Variants in LRPPRC observed in about 807,000 individuals in gnomAD.
LRPPRC encodes leucine-rich PPR motif-containing protein, mitochondrial.
LRPPRC carries 120 observed loss-of-function variants against 180.3 expected under a neutral mutation model. The observed-to-expected ratio is 0.67, with a 90% CI of 0.57 to 0.77. LRPPRC has a LOEUF of 0.77. Ranked by LOEUF, LRPPRC falls within the 30% of genes least tolerant of loss-of-function variation. LRPPRC has a pLI of 0.00. For missense variants in LRPPRC, 2,012 were observed against 1,657.2 expected (o/e 1.21, Z -3.72); for synonymous variants, 723 against 600.0 (o/e 1.21, Z -3.00).
intron 27 of LRPPRC, among the ~76,000 whole-genome samples, chr2:43,919,480 A>G (rs183455374): frequency 2.0e-4 from 30 of 152,304 alleles, no homozygotes; most frequent in Admixed American, 2.0e-3. Context: ...TGTGTGATAC[A>G]TGGAATCTTC....
chr2:43,925,283 G>A, intron 26 of LRPPRC, 126 bp from the exon 27 acceptor site: 2 of 727,318 alleles, frequency 2.7e-6, no homozygotes, highest in South Asian at 2.9e-5. Context: ...CATTTCAAAA[G>A]TTAATGGGCT....
At chr2:43,946,709 C>G (rs1672694199) in intron 20 of LRPPRC, among the ~76,000 whole-genome samples, 2 of 151,782 alleles carry the variant, frequency 1.3e-5, no homozygotes, top group South Asian at 4.2e-4. Context: ...TATTTTTTCC[C>G]TAAAACTACA....
At chr2:43,898,303 G>T (rs1670761328) in intron 34 of LRPPRC, among the ~76,000 whole-genome samples, 1 of 152,098 alleles carries the variant, frequency 6.6e-6, no homozygotes, top group East Asian at 1.9e-4. Flanking sequence ...AAAACTGGAG[G>T]TCAAGCACAT....
At chr2:43,938,944 G>A (rs1672372386) in intron 23 of LRPPRC, among the ~76,000 whole-genome samples, 1 of 151,994 alleles carries the variant, frequency 6.6e-6, no homozygotes, top group Non-Finnish European at 1.5e-5. Context: ...TTTATACTAA[G>A]TAACTTTCTA....
chr2:43,904,594 G>C lies in LRPPRC; in HGVS notation c.3364+1098C>G, dbSNP rs1301089864. The C allele has an allele frequency of 5.9e-5, 9 of 152,174 alleles. No homozygotes were observed. In the East Asian group the frequency reaches 1.8e-3, roughly 30 times the overall value. The allele number at this position is 152,174 out of a possible 1,614,324, so 9.4% of individuals were successfully genotyped here. On this transcript the variant is annotated intron_variant, in intron 31 of 37. Coordinates refer to ENST00000260665, the MANE Select transcript of LRPPRC (RefSeq NM_133259.4). ...TGTAATCCCAGCTACTCAGGAGGCTGAGGTGGGAGAATCGCTTGAACCCAG... is the reference window on the plus strand; with the variant it reads ...TGTAATCCCAGCTACTCAGGAGGCTCAGGTGGGAGAATCGCTTGAACCCAG...
chr2:43,991,388 A>C (rs1200600036), intron 1 of LRPPRC, among the ~76,000 whole-genome samples: 1 of 152,166 alleles, frequency 6.6e-6, no homozygotes, highest in Non-Finnish European at 1.5e-5. Context: ...GAGTTTTCTA[A>C]AAGTTTTCTT....
intron 27 of LRPPRC, among the ~76,000 whole-genome samples, chr2:43,923,156 T>C (rs191200986): frequency 2.8e-4 from 40 of 142,996 alleles, no homozygotes; most frequent in African/African-American, 1.0e-3. Flanking sequence ...AAGCTAAATG[T>C]TGTATATTTT....
intron 30 of LRPPRC, among the ~76,000 whole-genome samples, chr2:43,910,221 A>G (rs1286544330): frequency 2.1e-5 from 3 of 143,964 alleles, no homozygotes; most frequent in Non-Finnish European, 3.0e-5. Flanking sequence ...AGGCAAGGAA[A>G]CCTTTACATC....
intron 34 of LRPPRC, among the ~76,000 whole-genome samples, chr2:43,897,278 TA>T (rs775337135): frequency 3.6e-4 from 54 of 148,008 alleles, no homozygotes; most frequent in African/African-American, 1.1e-3. Context: ...AAAGTTAAAC[TA>T]AAAAAAAAAG....
intron 1 of LRPPRC, among the ~76,000 whole-genome samples, chr2:43,988,485 G>A (rs1459385310): frequency 6.6e-6 from 1 of 152,100 alleles, no homozygotes; most frequent in Non-Finnish European, 1.5e-5. Flanking sequence ...GCAGTGAGCC[G>A]AGATCACGCC....
intron 25 of LRPPRC, among the ~76,000 whole-genome samples, 185 bp downstream of exon 25, chr2:43,934,005 C>T (rs1339368232): frequency 1.3e-5 from 2 of 152,086 alleles, no homozygotes; most frequent in African/African-American, 2.4e-5. Flanking sequence ...ACCAGACTGC[C>T]TTTTCTGAAC....
Position 43,957,466 on chromosome 2 carries a change from G to C in LRPPRC, c.1583-15C>G. ...ATTTGATTTCACTGCAAAAGAAAAT[G>C]ACCATCATTAAATCTCAGACCAAAC... is the stretch of plus-strand genomic sequence containing the variant. On this transcript the variant is annotated splice_polypyrimidine_tract_variant and intron_variant, in intron 13 of 37. Transcript: ENST00000260665. The C allele has an allele frequency of 1.2e-6, 2 of 1,600,346 alleles. No individual in the cohort carries two copies. Among genetic ancestry groups the C allele is most frequent in the Non-Finnish European group, 1.7e-6 (2 of 1,167,546 alleles).
intron 13 of LRPPRC, among the ~76,000 whole-genome samples, 171 bp downstream of exon 13, chr2:43,960,370 T>TA (rs1673294414): frequency 6.6e-6 from 1 of 152,190 alleles, no homozygotes; most frequent in South Asian, 2.1e-4. Context: ...CTTATAACAT[T>TA]AAAATTACTT....
intron 23 of LRPPRC, among the ~76,000 whole-genome samples, chr2:43,940,880 A>G (rs538308178): frequency 7.2e-5 from 11 of 152,318 alleles, no homozygotes; most frequent in Non-Finnish European, 1.0e-4. Flanking sequence ...GCATGATTTT[A>G]ATAAGATAAA....
Position 43,896,632 on chromosome 2 carries a change from A to G in LRPPRC, c.3900+2T>C. On this transcript the variant is annotated splice_donor_variant, in intron 35 of 37. Coordinates refer to ENST00000260665, the MANE Select transcript of LRPPRC (RefSeq NM_133259.4). LOFTEE classifies it high-confidence loss of function. Reference sequence around the variant, plus strand: ...GATTTGTAAGCAGGTAAAGCACAGTACCTTTCCTTGTTTCCTAGAATTCCT... The same window carrying G: ...GATTTGTAAGCAGGTAAAGCACAGTGCCTTTCCTTGTTTCCTAGAATTCCT... 6.3e-7 allele frequency: 1 copy of G among 1,599,188 alleles called. No homozygotes were observed. The highest frequency in any genetic ancestry group is 8.6e-7 in the Non-Finnish European group (1 of 1,166,666).
chr2:43,995,643 C>A lies in LRPPRC; in HGVS notation c.149+156G>T, dbSNP rs78765436. 4,791 of 689,092 alleles carry A rather than the reference C, an allele frequency of 7.0e-3. 210 individuals are homozygous for A. In the African/African-American group the frequency reaches 0.08, roughly 11 times the overall value. 42.7% of individuals were successfully genotyped at this position (689,092 alleles called of 1,614,324 possible). On this transcript the variant is annotated intron_variant, in intron 1 of 37. Coordinates refer to ENST00000260665, the MANE Select transcript of LRPPRC (RefSeq NM_133259.4). ...GCGCTTAACCCTGTCACCCGAAAACCCCTGGTAGGGAGCGTGGTGCGGAGC... is the reference window on the plus strand; with the variant it reads ...GCGCTTAACCCTGTCACCCGAAAACACCTGGTAGGGAGCGTGGTGCGGAGC...
chr2:43,989,093 G>C (rs559706984), intron 1 of LRPPRC, among the ~76,000 whole-genome samples: 129 of 152,206 alleles, frequency 8.5e-4, no homozygotes, highest in African/African-American at 3.0e-3. Flanking sequence ...GGCTGGTCTT[G>C]AACTCCTGGC....
intron 5 of LRPPRC, 140 bp from the exon 6 acceptor site, chr2:43,976,369 GAACT>G: frequency 1.5e-6 from 1 of 645,452 alleles, no homozygotes; most frequent in East Asian, 2.7e-5. Context: ...CACAAAGAAA[GAACT>G]AATCCCTTTG....
At chr2:43,900,488 G>C (rs1201461768) in intron 32 of LRPPRC, among the ~76,000 whole-genome samples, 1 of 151,902 alleles carries the variant, frequency 6.6e-6, no homozygotes, top group Non-Finnish European at 1.5e-5. Flanking sequence ...GTGTTTATGT[G>C]GTAAAACTTT....
Sources: allele counts gnomAD v4.1 joint callset (sites outside exome capture counted in the v4.1 genomes callset), GRCh38; gene constraint gnomAD v4.1.1; transcripts MANE v1.5; gene names NCBI Gene and HGNC (gene_info 2026-07-23, HGNC 2026-07-21).